The following HUWE1 variants were observed in gnomAD, a reference collection of about 807,000 sequenced individuals.
The protein encoded by HUWE1 is E3 ubiquitin-protein ligase HUWE1.
In HUWE1, 18 loss-of-function variants were observed where a neutral mutation model predicts 299.4. That is an observed-to-expected ratio of 0.06 (90% CI 0.04 to 0.09). The LOEUF (loss-of-function observed/expected upper bound fraction) is 0.09. Ranked by LOEUF, HUWE1 falls within the 10% of genes least tolerant of loss-of-function variation. The probability of loss-of-function intolerance (pLI) is 1.00; values close to 1 mark genes in which losing one functional copy is unlikely to be tolerated. For missense variants in HUWE1, 1,832 were observed against 3,462.3 expected (o/e 0.53, Z 11.82); for synonymous variants, 1,317 against 1,286.1 (o/e 1.02, Z -0.51).
Position 53,678,184 on chromosome X carries a change from T to C in HUWE1, c.-25+1865A>G, listed in dbSNP as rs781935861. ...TTAAAGCCAAATGACTAAAAACTTT[T>C]AAAGAGAACTTAAAAGTTGAAAATG... On this transcript the variant is annotated intron_variant, in intron 3 of 83. Transcript: ENST00000262854. Among the ~76,000 whole-genome samples, 24 of 112,096 alleles carry C rather than the reference T, an allele frequency of 2.1e-4. 1 individual carries two copies. The South Asian group carries it at 8.4e-3, about 39-fold the overall frequency.
chrX:53,535,873 G>A (rs369422624), intron 80 of HUWE1: 128 of 361,658 alleles, frequency 3.5e-4, no homozygotes, highest in African/African-American at 1.3e-3. Context: ...ACATTTGTAC[G>A]ATTTTTCTAC....
chrX:53,547,137 C>T (rs1434523319), intron 68 of HUWE1, among the ~76,000 whole-genome samples: 2 of 112,223 alleles, frequency 1.8e-5, no homozygotes, highest in African/African-American at 6.5e-5. Flanking sequence ...GGCATTTCTT[C>T]CAACTATTCC....
At chrX:53,548,821 A>G in intron 67 of HUWE1, 138 bp downstream of exon 67, 1 of 546,828 alleles carries the variant, frequency 1.8e-6, no homozygotes, top group Admixed American at 2.9e-5. Context: ...ATATAGGACA[A>G]TCCCCTAGAA....
In HUWE1 at chrX:53,584,359, C is replaced by T. The variant is rs782081828; in HGVS notation, c.5002-14G>A. Reference sequence around the variant, plus strand: ...TTCCTCATTAACCTAGGAATTCAAACAGACATTAAAAAAACCTCTACCAAA... The same window carrying T: ...TTCCTCATTAACCTAGGAATTCAAATAGACATTAAAAAAACCTCTACCAAA... On this transcript the variant is annotated splice_polypyrimidine_tract_variant and intron_variant, in intron 40 of 83. Transcript: ENST00000262854. 2.5e-6 allele frequency: 3 copies of T among 1,193,650 alleles called. No individual in the cohort carries two copies. The highest frequency in any genetic ancestry group is 1.8e-5 in the South Asian group (1 of 56,251).
intron 74 of HUWE1, among the ~76,000 whole-genome samples, 190 bp downstream of exon 74, chrX:53,542,253 T>A (rs1413431719): frequency 8.9e-6 from 1 of 111,995 alleles, no homozygotes; most frequent in African/African-American, 3.2e-5. Flanking sequence ...CACCATTTTC[T>A]TTCCTTTACT....
chrX:53,610,481 C>T (rs1286207468), intron 23 of HUWE1, among the ~76,000 whole-genome samples: 4 of 112,161 alleles, frequency 3.6e-5, no homozygotes, highest in Non-Finnish European at 7.5e-5. Context: ...CAACTGATTT[C>T]AAGAAAAGTC....
At chrX:53,543,221 C>A (rs781924676) in intron 73 of HUWE1, among the ~76,000 whole-genome samples, 53 of 110,650 alleles carry the variant, frequency 4.8e-4, no homozygotes, top group Non-Finnish European at 8.9e-4. Context: ...AGGTAACTTA[C>A]ATGTTGCAAG....
intron 17 of HUWE1, chrX:53,625,710 C>T (rs1415761434): frequency 1.4e-5 from 2 of 142,662 alleles, no homozygotes; most frequent in Non-Finnish European, 2.8e-5. Context: ...CATTTAAGTT[C>T]TGCCTAAAGC....
At chrX:53,665,495 T>A (rs1472065312) in intron 3 of HUWE1, among the ~76,000 whole-genome samples, 1 of 111,726 alleles carries the variant, frequency 9.0e-6, no homozygotes, top group Admixed American at 9.5e-5. Context: ...AATGTTGACT[T>A]TGAACGTGAG....
At chrX:53,566,133 G>GTGTA (rs782815282) in intron 49 of HUWE1, among the ~76,000 whole-genome samples, 1,293 of 38,903 alleles carry the variant, frequency 0.033, 48 homozygotes, top group African/African-American at 0.081. Flanking sequence ...GTGTGTGTGT[G>GTGTA]TATATATATA....
chrX:53,615,768 T>C lies in HUWE1; in HGVS notation c.2025A>G (p.Thr675=), dbSNP rs782524691. ...CCTTGATGATGGCAGTCGTTGCATC[T>C]GTTTTAAGGGTGGGCTGATGTCTCA... ...ELMRHQPTLK[T]DATTAIIKLL... Residue 675 remains threonine (T), a synonymous_variant, in exon 22 of 84, where the codon ACA becomes ACG. Coordinates refer to ENST00000262854, the MANE Select transcript of HUWE1 (RefSeq NM_031407.7). 1.2e-5 allele frequency: 14 copies of C among 1,207,322 alleles called. No homozygotes were observed. In the African/African-American group the frequency reaches 1.6e-4, roughly 14 times the overall value.
chrX:53,541,529 G>C (rs1386763321), intron 74 of HUWE1, among the ~76,000 whole-genome samples: 5 of 111,667 alleles, frequency 4.5e-5, no homozygotes, highest in East Asian at 2.8e-4. Flanking sequence ...AGGAGGCGGA[G>C]GTTGCAGTGA....
rs782184175 is a variant in HUWE1, at chrX:53,537,576, G to T, written c.12117C>A (p.Pro4039=). The T allele has an allele frequency of 9.9e-6, 12 of 1,210,511 alleles. No homozygotes were observed. The highest frequency in any genetic ancestry group is 1.3e-5 in the Non-Finnish European group (12 of 894,858). Residue 4039 remains proline (P), a synonymous_variant, in exon 78 of 84, where the codon CCC becomes CCA. Coordinates refer to ENST00000262854, the MANE Select transcript of HUWE1 (RefSeq NM_031407.7). ...DSYRELHRKS[P]EEMKNRLYIV... ...CTTACAATCGATTCTTCATTTCTTC[G>T]GGGGATTTGCGATGCAGCTCACGAT...
chrX:53,598,020 CA>C (rs376379297), intron 29 of HUWE1, among the ~76,000 whole-genome samples: 2 of 110,226 alleles, frequency 1.8e-5, no homozygotes, highest in Non-Finnish European at 1.9e-5. Context: ...GTGGATATAG[CA>C]AAAAAAAGGT....
intron 12 of HUWE1, among the ~76,000 whole-genome samples, chrX:53,630,545 A>G (rs1261390055): frequency 2.7e-5 from 3 of 111,004 alleles, no homozygotes; most frequent in African/African-American, 9.8e-5. Context: ...TTAAATGCAC[A>G]GTATTGACTA....
At chrX:53,598,411 C>T (rs1454625515) in intron 29 of HUWE1, among the ~76,000 whole-genome samples, 1 of 111,025 alleles carries the variant, frequency 9.0e-6, no homozygotes, top group Non-Finnish European at 1.9e-5. Context: ...ACCTGCCTTT[C>T]CTTCTACCTC....
Position 53,607,744 on chromosome X carries a change from G to T in HUWE1, c.2320-45C>A, listed in dbSNP as rs782639503. 4.5e-6 allele frequency: 4 copies of T among 886,342 alleles called. No homozygotes were observed. The East Asian group carries it at 1.3e-4, about 29-fold the overall frequency. The allele number at this position is 886,342 out of a possible 1,213,427, so 73.0% of individuals were successfully genotyped here. A position where few individuals can be genotyped will look rare whatever the true frequency, so the allele number is the denominator to read the frequency against. On this transcript the variant is annotated intron_variant, in intron 24 of 83. Transcript: ENST00000262854. ...TAAAGAAGTTAGAGCCTGACAGGTGGAACTAAATGGCCAGCCTGGAATAAG... is the reference window on the plus strand; with the variant it reads ...TAAAGAAGTTAGAGCCTGACAGGTGTAACTAAATGGCCAGCCTGGAATAAG...
At chrX:53,637,131 C>A (rs1557027064) in intron 7 of HUWE1, among the ~76,000 whole-genome samples, 1 of 112,272 alleles carries the variant, frequency 8.9e-6, no homozygotes, top group African/African-American at 3.2e-5. Flanking sequence ...GTTTTTACAA[C>A]ACCATCTTAT....
In HUWE1 at chrX:53,625,144, T is replaced by C. The variant is rs2066403727; in HGVS notation, c.1591+13A>G. Reference sequence around the variant, plus strand: ...AAAATATCCTCCAAAAAAAGTTATCTGGAATCAAATACCATGTCGTATGCC... The same window carrying C: ...AAAATATCCTCCAAAAAAAGTTATCCGGAATCAAATACCATGTCGTATGCC... On this transcript the variant is annotated intron_variant, in intron 18 of 83. Coordinates refer to ENST00000262854, the MANE Select transcript of HUWE1 (RefSeq NM_031407.7). 9.1e-7 allele frequency: 1 copy of C among 1,092,933 alleles called. No homozygotes were observed. Among genetic ancestry groups the C allele is most frequent in the African/African-American group, 1.8e-5 (1 of 55,370 alleles). 90.1% of individuals were successfully genotyped at this position (1,092,933 alleles called of 1,213,427 possible).
Sources: allele counts gnomAD v4.1 joint callset (sites outside exome capture counted in the v4.1 genomes callset), GRCh38; gene constraint gnomAD v4.1.1; transcripts MANE v1.5; gene names NCBI Gene and HGNC (gene_info 2026-07-23, HGNC 2026-07-21).